The following SCMH1 variants were observed in gnomAD, a reference collection of about 807,000 sequenced individuals.
SCMH1 encodes Scm polycomb group protein homolog 1, also known as polycomb protein SCMH1.
In SCMH1, 37 loss-of-function variants were observed where a neutral mutation model predicts 70.8. The ratio of observed to expected loss-of-function variants is 0.52; its 90% CI spans 0.40 to 0.69. SCMH1 has a LOEUF of 0.69. Ranked by LOEUF, SCMH1 falls within the 30% of genes least tolerant of loss-of-function variation. The probability of loss-of-function intolerance (pLI) is 0.00; values close to 1 mark genes in which losing one functional copy is unlikely to be tolerated. For synonymous variants in SCMH1, 292 were observed against 307.4 expected, an observed-to-expected ratio of 0.95 and a Z score of 0.52; for missense variants, 607 against 827.3, an observed-to-expected ratio of 0.73 and a Z score of 3.27.
intron 1 of SCMH1, among the ~76,000 whole-genome samples, chr1:41,194,146 T>C (rs1652426331): frequency 6.6e-6 from 1 of 152,198 alleles, no homozygotes; most frequent in South Asian, 2.1e-4. Flanking sequence ...ACACATACTT[T>C]TAAGTAGTGT....
chr1:41,197,666 C>A (rs1032677465), intron 1 of SCMH1, among the ~76,000 whole-genome samples: 3 of 151,646 alleles, frequency 2.0e-5, no homozygotes, highest in Non-Finnish European at 2.9e-5. Flanking sequence ...AGATGGTAAA[C>A]TTTAAGTTTA....
chr1:41,081,682 T>A (rs775073702), intron 8 of SCMH1, among the ~76,000 whole-genome samples: 1 of 152,118 alleles, frequency 6.6e-6, no homozygotes, highest in Non-Finnish European at 1.5e-5. Context: ...TAGCTGGGCA[T>A]GGTGGTGCAC....
At chr1:41,127,925 T>C (rs1425049552) in intron 6 of SCMH1, among the ~76,000 whole-genome samples, 1 of 152,174 alleles carries the variant, frequency 6.6e-6, no homozygotes, top group Non-Finnish European at 1.5e-5. Flanking sequence ...CTTTCCAGTC[T>C]TTAGAACTGT....
intron 1 of SCMH1, among the ~76,000 whole-genome samples, chr1:41,208,442 A>T (rs200461384): frequency 7.0e-5 from 10 of 142,354 alleles, no homozygotes; most frequent in Admixed American, 1.4e-4. Context: ...AATTAAAAAA[A>T]AAAAATAAAA....
At chr1:41,157,605 A>G (rs936450635) in intron 4 of SCMH1, among the ~76,000 whole-genome samples, 1 of 152,232 alleles carries the variant, frequency 6.6e-6, no homozygotes, top group Non-Finnish European at 1.5e-5. Flanking sequence ...AGATATCCTG[A>G]TATGAGAAAG....
chr1:41,060,019 A>AC (rs1187042321), intron 10 of SCMH1, among the ~76,000 whole-genome samples: 511 of 150,754 alleles, frequency 3.4e-3, no homozygotes, highest in Non-Finnish European at 5.8e-3. Flanking sequence ...AAAAAAAAAA[A>AC]CCATAACAGA....
chr1:41,104,363 G>C (rs557901944), intron 8 of SCMH1, among the ~76,000 whole-genome samples: 1 of 152,286 alleles, frequency 6.6e-6, no homozygotes, highest in East Asian at 1.9e-4. Context: ...TATGGAAGGA[G>C]GAAATGGTAT....
At chr1:41,235,204 G>T (rs1223098849) in intron 1 of SCMH1, among the ~76,000 whole-genome samples, 2 of 151,914 alleles carry the variant, frequency 1.3e-5, no homozygotes, top group Non-Finnish European at 2.9e-5. Flanking sequence ...TAATATTAGT[G>T]GTGAGTAAAA....
chr1:41,217,501 A>T (rs1433624989), intron 1 of SCMH1, among the ~76,000 whole-genome samples: 1 of 152,256 alleles, frequency 6.6e-6, no homozygotes, highest in Admixed American at 6.5e-5. Context: ...GCAAGGGTAT[A>T]GCATTTGCAT....
intron 1 of SCMH1, 60 bp from the exon 2 acceptor site, chr1:41,186,310 G>A: frequency 1.0e-5 from 5 of 478,310 alleles, no homozygotes; most frequent in Admixed American, 3.3e-5. Flanking sequence ...AAAGTACTGA[G>A]ATCTCTAATT....
At chr1:41,178,640 G>A (rs534873238) in intron 2 of SCMH1, among the ~76,000 whole-genome samples, 3 of 152,254 alleles carry the variant, frequency 2.0e-5, no homozygotes, top group East Asian at 3.9e-4. Context: ...GACAAAGAAG[G>A]CCATTACATA....
At chr1:41,162,998 T>G (rs542446057) in intron 2 of SCMH1, 2 of 152,354 alleles carry the variant, frequency 1.3e-5, no homozygotes, top group Admixed American at 1.3e-4. Flanking sequence ...CCAAAAGGGC[T>G]GAAATATGCC....
chr1:41,029,399 C>T (rs959426149), intron 13 of SCMH1, among the ~76,000 whole-genome samples: 1 of 152,128 alleles, frequency 6.6e-6, no homozygotes, highest in Admixed American at 6.6e-5. Context: ...GGGGTTTCAC[C>T]ATGTTGGCCT....
chr1:41,063,278 C>A (rs1653411711), intron 10 of SCMH1, among the ~76,000 whole-genome samples: 1 of 151,912 alleles, frequency 6.6e-6, no homozygotes, highest in Non-Finnish European at 1.5e-5. Context: ...TCGAGACCAC[C>A]CTGGCCAACA....
chr1:41,131,882 T>A (rs1307696748), intron 6 of SCMH1, among the ~76,000 whole-genome samples: 4 of 152,210 alleles, frequency 2.6e-5, no homozygotes, highest in Admixed American at 2.6e-4. Flanking sequence ...CATGAACTCA[T>A]CCTTTTTATG....
intron 1 of SCMH1, among the ~76,000 whole-genome samples, chr1:41,207,767 A>C (rs559355250): frequency 6.6e-6 from 1 of 152,312 alleles, no homozygotes; most frequent in East Asian, 1.9e-4. Context: ...ACTTATTATA[A>C]AAGTGACCAC....
intron 13 of SCMH1, among the ~76,000 whole-genome samples, chr1:41,031,507 T>C (rs1644519505): frequency 6.6e-6 from 1 of 152,182 alleles, no homozygotes; most frequent in Admixed American, 6.5e-5. Flanking sequence ...TTCTAGCATA[T>C]TGTCTTTTCA....
chr1:41,121,336 A>G (rs943913666), intron 6 of SCMH1, among the ~76,000 whole-genome samples: 1 of 152,084 alleles, frequency 6.6e-6, no homozygotes, highest in Non-Finnish European at 1.5e-5. Context: ...GAACCCAACT[A>G]CTCCGTCTCC....
intron 8 of SCMH1, among the ~76,000 whole-genome samples, chr1:41,086,481 G>A (rs1009054563): frequency 1.3e-5 from 2 of 152,112 alleles, no homozygotes; most frequent in Non-Finnish European, 2.9e-5. Flanking sequence ...ATATCATCAA[G>A]TTGTTAGTTC....
Sources: allele counts gnomAD v4.1 joint callset (sites outside exome capture counted in the v4.1 genomes callset), GRCh38; gene constraint gnomAD v4.1.1; transcripts MANE v1.5; gene names NCBI Gene and HGNC (gene_info 2026-07-23, HGNC 2026-07-21).